The following ABR variants were observed in gnomAD, a reference collection of about 807,000 sequenced individuals.
ABR encodes ABR activator of RhoGEF and GTPase, also known as active breakpoint cluster region-related protein.
ABR carries 35 observed loss-of-function variants against 107.2 expected under a neutral mutation model. That is an observed-to-expected ratio of 0.33 (90% CI 0.25 to 0.43). The LOEUF (loss-of-function observed/expected upper bound fraction) is 0.43, where lower values mean the gene tolerates loss of function less well. Among genes scored for constraint, ABR ranks in the 20% least tolerant of loss-of-function variants. The pLI is 1.00. For synonymous variants in ABR, 498 were observed against 462.0 expected (o/e 1.08, Z -1.00); for missense variants, 815 against 1,115.2 (o/e 0.73, Z 3.83).
intron 16 of ABR, among the ~76,000 whole-genome samples, chr17:1,033,450 G>A (rs1198608021): frequency 6.6e-6 from 1 of 152,190 alleles, no homozygotes; most frequent in Non-Finnish European, 1.5e-5. Flanking sequence ...CCAAGGCCAG[G>A]ACAAGCTGGA....
At chr17:1,079,035 G>T in intron 6 of ABR, 1 of 1,286,352 alleles carries the variant, frequency 7.8e-7, no homozygotes, top group South Asian at 1.5e-5. Context: ...GCGTGGCGAG[G>T]AGAGGAGGGA....
At chr17:1,138,147 AC>A (rs1230780676) in intron 1 of ABR, among the ~76,000 whole-genome samples, 4 of 149,984 alleles carry the variant, frequency 2.7e-5, no homozygotes, top group Non-Finnish European at 5.9e-5. Context: ...CAGGTGATCC[AC>A]CCGCCTCAGC....
rs2069850980 is a variant in ABR at position 1,004,128 on chromosome 17, T to C, written c.*1952A>G. The stretch of plus-strand genomic sequence containing the variant: ...ACTCTGCCCCTTCCTGTCCATCACT[T>C]TGGAAGCAAGCAGGAGCCTTCTGTG... On this transcript the variant is annotated 3_prime_UTR_variant, in exon 23 of 23. Transcript: ENST00000302538. The C allele has an allele frequency of 6.6e-6, 1 of 152,072 alleles. No homozygotes were observed. Among genetic ancestry groups the C allele is most frequent in the Non-Finnish European group, 1.5e-5 (1 of 68,010 alleles). The allele number at this position is 152,072 out of a possible 1,614,324, so 9.4% of individuals were successfully genotyped here.
intron 16 of ABR, chr17:1,031,841 C>T (rs1298456142): frequency 8.2e-7 from 1 of 1,223,416 alleles, no homozygotes; most frequent in Middle Eastern, 3.1e-4. Context: ...CGGCTTTCCC[C>T]GCGCTCGCCT....
intron 10 of ABR, among the ~76,000 whole-genome samples, chr17:1,065,742 CTTT>C (rs56388222): frequency 1.7e-5 from 2 of 116,346 alleles, no homozygotes; most frequent in Non-Finnish European, 3.5e-5. Context: ...CAAACCAATG[CTTT>C]TTTTTTTTTT....
chr17:1,111,077 T>A (rs1210438930), intron 2 of ABR, among the ~76,000 whole-genome samples: 1 of 152,134 alleles, frequency 6.6e-6, no homozygotes, highest in Non-Finnish European at 1.5e-5. Flanking sequence ...GTGCATGGCA[T>A]GGGCTGCCCA....
rs531635154 is a variant in ABR at position 1,109,194 on chromosome 17, C to T, written c.247-8459G>A. On this transcript the variant is annotated intron_variant, in intron 2 of 22. Transcript: ENST00000302538. ...ACACCCGCGCGCCCGGCCTGGGGCT[C>T]CCGACCCGGGACTGCATCCCGGACC... is the stretch of plus-strand genomic sequence containing the variant. 8.6e-5 allele frequency: 111 copies of T among 1,296,816 alleles called. No individual in the cohort carries two copies. In the South Asian group the frequency reaches 1.2e-3, roughly 14 times the overall value. 80.3% of individuals were successfully genotyped at this position (1,296,816 alleles called of 1,614,324 possible).
chr17:1,128,043 A>AG (rs139740730), intron 1 of ABR, among the ~76,000 whole-genome samples: 6,521 of 152,238 alleles, frequency 0.043, 469 homozygotes, highest in African/African-American at 0.15. Context: ...CTCCTGGTTA[A>AG]GGGGGGCTGA....
At chr17:1,209,128 G>A (rs2042854706) in intron 1 of ABR, among the ~76,000 whole-genome samples, 1 of 152,096 alleles carries the variant, frequency 6.6e-6, no homozygotes. Context: ...CTTTCTTCCG[G>A]ATGGAGTTCA....
upstream of ABR, among the ~76,000 whole-genome samples, chr17:1,180,576 TC>T (rs2042103548): frequency 6.6e-6 from 1 of 152,074 alleles, no homozygotes; most frequent in Non-Finnish European, 1.5e-5. Flanking sequence ...CATGTGCCCC[TC>T]CTGGGCGGAG....
In ABR at chr17:1,005,376, G is replaced by A; in HGVS notation, c.*704C>T. 2.6e-6 allele frequency: 1 copy of A among 386,270 alleles called. No individual in the cohort carries two copies. The highest frequency in any genetic ancestry group is 1.4e-4 in the South Asian group (1 of 6,926). The allele number at this position is 386,270 out of a possible 1,614,324, so 23.9% of individuals were successfully genotyped here. On this transcript the variant is annotated 3_prime_UTR_variant, in exon 23 of 23. Coordinates refer to ENST00000302538, the MANE Select transcript of ABR (RefSeq NM_021962.5). ...GGCGCTCCAGCTCTGTGCTAAGCTG[G>A]GGACGAGTGTGAGTGTGTCTGCTTG... is the stretch of plus-strand genomic sequence containing the variant.
At chr17:1,211,490 C>G (rs190020892) in intron 1 of ABR, among the ~76,000 whole-genome samples, 2 of 152,112 alleles carry the variant, frequency 1.3e-5, no homozygotes, top group African/African-American at 4.8e-5. Context: ...GCTTAGAAAA[C>G]AAAGCGTGAA....
At chr17:1,077,400 C>G (rs1035531647) in intron 6 of ABR, among the ~76,000 whole-genome samples, 2 of 152,154 alleles carry the variant, frequency 1.3e-5, no homozygotes, top group Non-Finnish European at 2.9e-5. Context: ...GAGAGGAAGC[C>G]AAGGGTACGT....
rs1052266784 is a variant in ABR at position 1,151,998 on chromosome 17, C to T, written c.62-26631G>A. 6.0e-5 allele frequency among the ~76,000 whole-genome samples: 9 copies of T among 149,784 alleles called. No homozygotes were observed. The South Asian group carries it at 1.9e-3, about 31-fold the overall frequency. On this transcript the variant is annotated intron_variant, in intron 1 of 22. Transcript: ENST00000302538. ...GGAAACCCCGCCTCTACTAAAAATA[C>T]AAAAAAGTTAGCCAGGCGTGGTGGT...
In ABR at chr17:1,010,437, T is replaced by G. The variant is rs2070432388; in HGVS notation, c.2236+292A>C. 2 of 434,434 alleles carry G rather than the reference T, an allele frequency of 4.6e-6. No individual in the cohort carries two copies. Among genetic ancestry groups the G allele is most frequent in the African/African-American group, 4.0e-5 (2 of 50,216 alleles). 26.9% of individuals were successfully genotyped at this position (434,434 alleles called of 1,614,324 possible). ...TCTGGCCACTCACCTCAGGGCAGTC[T>G]TCCCTGGATGCTCGAGCTTCCAAGC... On this transcript the variant is annotated intron_variant, in intron 20 of 22. Coordinates refer to ENST00000302538, the MANE Select transcript of ABR (RefSeq NM_021962.5). The surrounding 1 kb of genome is among the most constrained non-coding windows in gnomAD (Gnocchi z 4.1).
At chr17:1,125,536 G>A (rs1022973670) in intron 1 of ABR, 169 bp from the exon 2 acceptor site, 10 of 521,736 alleles carry the variant, frequency 1.9e-5, no homozygotes, top group African/African-American at 1.6e-4. Flanking sequence ...TGAGGGGCGG[G>A]GGAGAGCCAG....
At chr17:1,081,363 C>A (rs1380840222) in intron 5 of ABR, among the ~76,000 whole-genome samples, 2 of 152,098 alleles carry the variant, frequency 1.3e-5, no homozygotes, top group Admixed American at 6.5e-5. Flanking sequence ...GCGTGAGCCA[C>A]TGCACCTGGC....
At chr17:1,057,902 T>C in intron 12 of ABR, 68 bp downstream of exon 12, 3 of 1,437,716 alleles carry the variant, frequency 2.1e-6, no homozygotes, top group Non-Finnish European at 2.9e-6. Flanking sequence ...CATGAAACGC[T>C]TAGAAATACA....
intron 16 of ABR, among the ~76,000 whole-genome samples, chr17:1,034,975 C>A (rs975281398): frequency 2.6e-5 from 4 of 151,998 alleles, no homozygotes; most frequent in Non-Finnish European, 5.9e-5. Flanking sequence ...ACTGGATGAA[C>A]GATGGCCAGC....
Sources: allele counts gnomAD v4.1 joint callset (sites outside exome capture counted in the v4.1 genomes callset), GRCh38; gene constraint gnomAD v4.1.1; non-coding constraint Gnocchi (gnomAD v3.1); transcripts MANE v1.5; gene names NCBI Gene and HGNC (gene_info 2026-07-23, HGNC 2026-07-21).